RBM26: variants seen among roughly 807,000 people sequenced by gnomAD.
RBM26 encodes RNA-binding protein 26.
A neutral mutation model predicts 123.6 loss-of-function variants in RBM26; 30 were observed. That is an observed-to-expected ratio of 0.24 (90% CI 0.18 to 0.33). RBM26 has a LOEUF of 0.33. RBM26 is among the 10% of genes least tolerant of loss of function. The probability of loss-of-function intolerance (pLI) is 1.00; values close to 1 mark genes in which losing one functional copy is unlikely to be tolerated. For synonymous variants in RBM26, 400 were observed against 404.4 expected (o/e 0.99, Z 0.13); for missense variants, 947 against 1,203.6 (o/e 0.79, Z 3.15).
In RBM26 at chr13:79,365,625, G is replaced by T; in HGVS notation, c.1370C>A (p.Pro457His). 1.9e-6 allele frequency: 3 copies of T among 1,613,796 alleles called. No homozygotes were observed. Among genetic ancestry groups the T allele is most frequent in the Non-Finnish European group, 2.5e-6 (3 of 1,179,816 alleles). The part of the protein sequence containing the change: ...MYRHRVHAQR[P>H]NLIGLTSGDM... Reference sequence around the variant, plus strand: ...CCCTGATGTTAGTCCTATCAAGTTGGGCCTTTGTGCATGCACTCTGTGTCT... The same window carrying T: ...CCCTGATGTTAGTCCTATCAAGTTGTGCCTTTGTGCATGCACTCTGTGTCT... Residue 457 changes from proline (P) to histidine (H), a missense_variant, in exon 9 of 22, where the codon CCC becomes CAC. Around this residue, in one of 5 missense-constraint regions of RBM26, gnomAD observed 493 missense variants for 563.1 expected, o/e 0.88. Transcript: ENST00000438737.
intron 6 of RBM26, among the ~76,000 whole-genome samples, chr13:79,368,478 A>G (rs1269596351): frequency 1.3e-5 from 2 of 152,218 alleles, no homozygotes; most frequent in South Asian, 2.1e-4. Context: ...AACTCAGTAG[A>G]TATTTACTCA....
At chr13:79,347,904 GTTT>G (rs1367151650) in intron 14 of RBM26, among the ~76,000 whole-genome samples, 1 of 151,974 alleles carries the variant, frequency 6.6e-6, no homozygotes, top group Non-Finnish European at 1.5e-5. Context: ...GTTAGCTGTA[GTTT>G]TTTTTCTTTT....
chr13:79,374,819 C>T (rs1204219179), intron 3 of RBM26, among the ~76,000 whole-genome samples: 1 of 151,862 alleles, frequency 6.6e-6, no homozygotes, highest in Non-Finnish European at 1.5e-5. Context: ...AGATTGCCAT[C>T]TGGCATTTCA....
chr13:79,340,279 A>T (rs561958651), intron 18 of RBM26, among the ~76,000 whole-genome samples: 55 of 152,160 alleles, frequency 3.6e-4, no homozygotes, highest in African/African-American at 1.3e-3. Flanking sequence ...TATGACTTTC[A>T]GAGAAGACAG....
At chr13:79,394,586 A>G (rs1418413568) in intron 1 of RBM26, among the ~76,000 whole-genome samples, 1 of 152,210 alleles carries the variant, frequency 6.6e-6, no homozygotes, top group Non-Finnish European at 1.5e-5. Context: ...CTTCAAGGTC[A>G]TATTTGAACA....
chr13:79,316,297 C>T (rs1421748709), downstream of RBM26, among the ~76,000 whole-genome samples: 1 of 149,824 alleles, frequency 6.7e-6, no homozygotes, highest in Non-Finnish European at 1.5e-5. Context: ...TATCAGTCTA[C>T]ATTGTGTGTA....
At chr13:79,354,688 G>T in intron 12 of RBM26, 118 bp from the exon 13 acceptor site, 1 of 858,150 alleles carries the variant, frequency 1.2e-6, no homozygotes, top group Non-Finnish European at 1.6e-6. Flanking sequence ...GCAGCTTATA[G>T]TCAAAACCTA....
chr13:79,378,723 A>G, intron 2 of RBM26, 66 bp downstream of exon 2: 3 of 971,954 alleles, frequency 3.1e-6, no homozygotes, highest in South Asian at 3.1e-5. Flanking sequence ...TACAGGCGTG[A>G]GCCACCATGC....
At chr13:79,376,198 G>GCCC (rs2076654271) in intron 3 of RBM26, 1 of 151,992 alleles carries the variant, frequency 6.6e-6, no homozygotes, top group Non-Finnish European at 1.5e-5. Flanking sequence ...TAAAATTATA[G>GCCC]TTTGTTTGTT....
intron 20 of RBM26, among the ~76,000 whole-genome samples, chr13:79,325,635 A>T (rs1176694168): frequency 6.6e-6 from 1 of 152,184 alleles, no homozygotes; most frequent in African/African-American, 2.4e-5. Context: ...AAAAGTTTTT[A>T]AAAATTGTAA....
chr13:79,375,437 C>T (rs1287725986), intron 3 of RBM26, among the ~76,000 whole-genome samples: 1 of 151,932 alleles, frequency 6.6e-6, no homozygotes, highest in African/African-American at 2.4e-5. Flanking sequence ...TCCCAAAGTG[C>T]TGGAATTACA....
chr13:79,385,481 T>C (rs768176623), intron 1 of RBM26, among the ~76,000 whole-genome samples: 29 of 152,284 alleles, frequency 1.9e-4, no homozygotes, highest in Admixed American at 6.5e-4. Flanking sequence ...CTGAAAACTA[T>C]TGGCCAGTTC....
At chr13:79,394,600 G>A (rs2078393926) in intron 1 of RBM26, among the ~76,000 whole-genome samples, 1 of 152,030 alleles carries the variant, frequency 6.6e-6, no homozygotes, top group South Asian at 2.1e-4. Flanking sequence ...TTGAACAAAA[G>A]GAAGTCCAGC....
At chr13:79,390,030 C>T (rs2077811374) in intron 1 of RBM26, among the ~76,000 whole-genome samples, 2 of 151,962 alleles carry the variant, frequency 1.3e-5, no homozygotes, top group South Asian at 4.2e-4. Context: ...GTATATTCAT[C>T]AATAGGTGGC....
intron 1 of RBM26, among the ~76,000 whole-genome samples, chr13:79,404,839 TTA>T (rs2079384631): frequency 6.6e-6 from 1 of 152,222 alleles, no homozygotes; most frequent in South Asian, 2.1e-4. Flanking sequence ...CTGGATTTAT[TTA>T]TGTCTTGTCG....
At chr13:79,384,892 T>A (rs2140307881) in intron 1 of RBM26, among the ~76,000 whole-genome samples, 1 of 152,274 alleles carries the variant, frequency 6.6e-6, no homozygotes, top group East Asian at 1.9e-4. Flanking sequence ...AATACTCCAA[T>A]ACAATATTTC....
chr13:79,320,409 T>C lies in RBM26; in HGVS notation c.*212A>G, dbSNP rs1021164945. 100 of 1,203,740 alleles carry C rather than the reference T, an allele frequency of 8.3e-5. No homozygotes were observed. Among genetic ancestry groups the C allele is most frequent in the Admixed American group, 4.2e-4 (10 of 24,050 alleles). 74.6% of individuals were successfully genotyped at this position (1,203,740 alleles called of 1,614,324 possible). A position where few individuals can be genotyped will look rare whatever the true frequency, so the allele number is the denominator to read the frequency against. ...CATTGCATATGTTTCTAGTGTGATGTCTTTAGCAATTGTTTACTGAAGTAA... is the reference window on the plus strand; with the variant it reads ...CATTGCATATGTTTCTAGTGTGATGCCTTTAGCAATTGTTTACTGAAGTAA... On this transcript the variant is annotated 3_prime_UTR_variant, in exon 22 of 22. Transcript: ENST00000438737.
At chr13:79,362,720 C>T (rs1245822700) in intron 9 of RBM26, among the ~76,000 whole-genome samples, 1 of 152,142 alleles carries the variant, frequency 6.6e-6, no homozygotes, top group Non-Finnish European at 1.5e-5. Context: ...TTGTTTTTTA[C>T]TTTAATATGT....
intron 20 of RBM26, among the ~76,000 whole-genome samples, chr13:79,333,099 A>G (rs1037871586): frequency 6.6e-6 from 1 of 152,206 alleles, no homozygotes; most frequent in African/African-American, 2.4e-5. Context: ...AGCTTACTCT[A>G]AACTTGCACT....
Sources: allele counts gnomAD v4.1 joint callset (sites outside exome capture counted in the v4.1 genomes callset), GRCh38; gene constraint gnomAD v4.1.1; regional missense constraint gnomAD v4.1.1; transcripts MANE v1.5; gene names NCBI Gene and HGNC (gene_info 2026-07-23, HGNC 2026-07-21).